The following LARP4B variants were observed in gnomAD, a reference collection of about 807,000 sequenced individuals.
LARP4B encodes La ribonucleoprotein 4B.
LARP4B carries 12 observed loss-of-function variants against 89.8 expected under a neutral mutation model. That is an observed-to-expected ratio of 0.13 (90% CI 0.09 to 0.22). The LOEUF is 0.22. Ranked by LOEUF, LARP4B falls within the 10% of genes least tolerant of loss-of-function variation. LARP4B has a pLI of 1.00. For missense variants in LARP4B, 757 were observed against 947.7 expected, an observed-to-expected ratio of 0.80 and a Z score of 2.64; for synonymous variants, 367 against 363.3, an observed-to-expected ratio of 1.01 and a Z score of -0.12.
At chr10:830,565 C>T (rs1832852417) in intron 9 of LARP4B, among the ~76,000 whole-genome samples, 1 of 152,142 alleles carries the variant, frequency 6.6e-6, no homozygotes, top group Admixed American at 6.5e-5. Context: ...TTCAAATTTC[C>T]CCCCAAACAC....
the LARP4B span, among the ~76,000 whole-genome samples, chr10:945,910 G>A: frequency 2.0e-5 from 3 of 152,164 alleles, no homozygotes; most frequent in East Asian, 3.8e-4. Context: ...AAGACACTGC[G>A]AGAAGCTGCC....
intron 1 of LARP4B, among the ~76,000 whole-genome samples, chr10:928,364 A>G (rs1486638454): frequency 6.6e-6 from 1 of 152,194 alleles, no homozygotes; most frequent in Non-Finnish European, 1.5e-5. Context: ...AGATTAGAAG[A>G]CCTAGATTAT....
intron 7 of LARP4B, among the ~76,000 whole-genome samples, chr10:838,577 G>A (rs1269960157): frequency 6.6e-6 from 1 of 152,164 alleles, no homozygotes; most frequent in African/African-American, 2.4e-5. Context: ...CTGCATACCT[G>A]TCAGCACAGC....
chr10:954,492 C>T, the LARP4B span, among the ~76,000 whole-genome samples: 5 of 152,214 alleles, frequency 3.3e-5, no homozygotes, highest in South Asian at 6.2e-4. The surrounding 1 kb of genome is among the most constrained non-coding windows in gnomAD (Gnocchi z 5.0). Context: ...TCATTCAGAC[C>T]GGTGGCTCAG....
At chr10:920,054 A>C (rs1173232369) in intron 1 of LARP4B, among the ~76,000 whole-genome samples, 1 of 152,228 alleles carries the variant, frequency 6.6e-6, no homozygotes, top group African/African-American at 2.4e-5. Flanking sequence ...TTAAAAATCT[A>C]CCTCAAAAAG....
chr10:959,359 GTCAATCCCACCTCCTCA>G, the LARP4B span, among the ~76,000 whole-genome samples: 378 of 132,474 alleles, frequency 2.9e-3, 3 homozygotes, highest in African/African-American at 0.012. Flanking sequence ...CCACCTCCCC[GTCAATCCCACCTCCTCA>G]TCAATCCCAC....
intron 15 of LARP4B, chr10:815,682 T>C (rs1832008608): frequency 6.6e-6 from 1 of 152,270 alleles, no homozygotes; most frequent in Non-Finnish European, 1.5e-5. Context: ...CAGCGACCCC[T>C]GTGCAGGGGC....
chr10:932,731 C>T (rs1306809885), upstream of LARP4B, among the ~76,000 whole-genome samples: 1 of 146,086 alleles, frequency 6.8e-6, no homozygotes, highest in Non-Finnish European at 1.5e-5. Flanking sequence ...TCCCGAACTC[C>T]CGCCCCACAC....
chr10:882,457 G>A lies in LARP4B; in HGVS notation c.141+1990C>T, dbSNP rs144835348. Among the ~76,000 whole-genome samples, 47 of 151,252 alleles carry A rather than the reference G, an allele frequency of 3.1e-4. No individual in the cohort carries two copies. The East Asian group carries it at 6.2e-3, about 20-fold the overall frequency. On this transcript the variant is annotated intron_variant, in intron 3 of 17. Transcript: ENST00000316157. The stretch of plus-strand genomic sequence containing the variant: ...GGCTGGAGTGTGGTGGCACAATCTC[G>A]GCTCACTACAAGCTCTGCCTCCCAG...
At chr10:858,009 A>G (rs1488777121) in intron 5 of LARP4B, among the ~76,000 whole-genome samples, 6 of 152,224 alleles carry the variant, frequency 3.9e-5, no homozygotes, top group Non-Finnish European at 8.8e-5. Flanking sequence ...AAGACCCAAC[A>G]ATGCTATGGT....
At chr10:974,842 T>C in the LARP4B span, among the ~76,000 whole-genome samples, 5 of 152,238 alleles carry the variant, frequency 3.3e-5, no homozygotes, top group South Asian at 1.0e-3. Context: ...ATTCAACAAA[T>C]GTCGGCTGTC....
At chr10:950,273 T>G in the LARP4B span, among the ~76,000 whole-genome samples, 1 of 152,266 alleles carries the variant, frequency 6.6e-6, no homozygotes, top group African/African-American at 2.4e-5. Flanking sequence ...ATTTTTCCTT[T>G]TATATATTGT....
intron 3 of LARP4B, among the ~76,000 whole-genome samples, chr10:882,982 A>G (rs1835729819): frequency 6.6e-6 from 1 of 152,182 alleles, no homozygotes; most frequent in Non-Finnish European, 1.5e-5. Flanking sequence ...GTAACTCTCC[A>G]CACCTTTAGG....
chr10:843,362 T>G (rs1833620739), intron 6 of LARP4B, among the ~76,000 whole-genome samples: 1 of 152,242 alleles, frequency 6.6e-6, no homozygotes, highest in Non-Finnish European at 1.5e-5. Flanking sequence ...ATAGCTGTCA[T>G]TTTTGTCCTA....
chr10:940,208 G>A, the LARP4B span, among the ~76,000 whole-genome samples: 3 of 152,156 alleles, frequency 2.0e-5, no homozygotes, highest in African/African-American at 7.2e-5. Context: ...GTAGGGACGG[G>A]GTTTCTCCAT....
the LARP4B span, among the ~76,000 whole-genome samples, chr10:961,895 T>C: frequency 3.2e-4 from 49 of 152,260 alleles, 1 homozygote; most frequent in African/African-American, 8.4e-4. Context: ...AACATGAGGT[T>C]TGGGGAGACA....
rs570267461 is a variant in LARP4B, at chr10:876,362, G to A, written c.141+8085C>T. 4.1e-3 allele frequency among the ~76,000 whole-genome samples: 620 copies of A among 152,072 alleles called. 7 individuals carry two copies. Among genetic ancestry groups the A allele is most frequent in the African/African-American group, 0.014 (569 of 41,452 alleles). On this transcript the variant is annotated intron_variant, in intron 3 of 17. Transcript: ENST00000316157. ...ATCACACCATCGCACTCCAGCCTGG[G>A]CAACAAGAGCAAAACTCCGTCTCAG...
At chr10:844,438 A>T (rs1833677320) in intron 6 of LARP4B, among the ~76,000 whole-genome samples, 1 of 152,188 alleles carries the variant, frequency 6.6e-6, no homozygotes. Context: ...CAGAGAAAAC[A>T]CCTGGAAAAT....
At chr10:943,790 C>G in the LARP4B span, among the ~76,000 whole-genome samples, 4 of 150,558 alleles carry the variant, frequency 2.7e-5, no homozygotes, top group African/African-American at 9.8e-5. Context: ...CGGGAGGGCC[C>G]GGGGAGTGCA....
Sources: gnomAD v4.1 joint callset for allele counts (sites outside exome capture counted in the v4.1 genomes callset) on GRCh38, gnomAD v4.1.1 for gene constraint, Gnocchi (gnomAD v3.1) non-coding constraint, MANE v1.5 for transcripts, NCBI Gene and HGNC (gene_info 2026-07-23, HGNC 2026-07-21) for gene names.